RGS9: variants seen among roughly 807,000 people sequenced by gnomAD.
RGS9 encodes regulator of G-protein signalling 9.
Under a neutral mutation model 102.0 loss-of-function variants are expected in RGS9, and 78 were observed. The observed-to-expected ratio is 0.76, with a 90% CI of 0.64 to 0.92. RGS9 has a LOEUF of 0.92. Among genes scored for constraint, RGS9 ranks in the 40% least tolerant of loss-of-function variants. The probability of loss-of-function intolerance (pLI) is 0.00; values close to 1 mark genes in which losing one functional copy is unlikely to be tolerated. For synonymous variants in RGS9, 353 were observed against 318.6 expected, an observed-to-expected ratio of 1.11 and a Z score of -1.15; for missense variants, 833 against 866.1, an observed-to-expected ratio of 0.96 and a Z score of 0.48.
At position 65,219,105 on chromosome 17, in the gene RGS9, C is replaced by T. The variant is rs139888269; in HGVS notation, c.1408-5897C>T. Among the ~76,000 whole-genome samples, 511 of 152,300 alleles carry T rather than the reference C, an allele frequency of 3.4e-3. 4 individuals carry two copies. The highest frequency in any genetic ancestry group is 0.012 in the African/African-American group (480 of 41,572). On this transcript the variant is annotated intron_variant, in intron 17 of 18. Transcript: ENST00000262406. ...TTGGTGATCAGGACCAGTGGCCAAC[C>T]GGGACCATCCATCCTGGAAAGCTCT...
Position 65,225,128 on chromosome 17 carries a change from C to T in RGS9, c.1534C>T (p.Arg512Cys), listed in dbSNP as rs202213863. The T allele has an allele frequency of 1.3e-4, 214 of 1,613,718 alleles. 2 individuals are homozygous for T. The highest frequency in any genetic ancestry group is 6.3e-4 in the South Asian group (57 of 91,088). The change falls in exon 18 of 19, where the codon CGC becomes TGC. Residue 512 changes from arginine to cysteine, a missense_variant. This residue lies in a region of RGS9 where 320 missense variants were observed against 276.8 expected (regional missense o/e 1.16). Transcript: ENST00000262406. ...CAGGAAGCCTTTCGCCTCACCCAGC[C>T]GCTTCATCCGGCGACCCAGCACCAC... ...SPRKPFASPS[R>C]FIRRPSTTIC...
chr17:65,143,299 G>T (rs571149741), intron 1 of RGS9, among the ~76,000 whole-genome samples: 5 of 152,160 alleles, frequency 3.3e-5, no homozygotes, highest in African/African-American at 9.7e-5. Flanking sequence ...ACTGTTGAGA[G>T]CCCTGGGCTA....
intron 6 of RGS9, among the ~76,000 whole-genome samples, chr17:65,162,808 A>G (rs749338993): frequency 6.6e-6 from 1 of 152,132 alleles, no homozygotes; most frequent in Non-Finnish European, 1.5e-5. Flanking sequence ...AAAACCAATA[A>G]AAGTGAGGCT....
chr17:65,146,224 A>C (rs1206088509), intron 1 of RGS9, among the ~76,000 whole-genome samples: 1 of 152,290 alleles, frequency 6.6e-6, no homozygotes, highest in South Asian at 2.1e-4. Context: ...ACATCTAATA[A>C]AAACCATTTT....
intron 7 of RGS9, among the ~76,000 whole-genome samples, chr17:65,167,915 G>A (rs550589233): frequency 6.6e-6 from 1 of 152,292 alleles, no homozygotes; most frequent in African/African-American, 2.4e-5. Flanking sequence ...TGGTGGGCTG[G>A]TGGGGCATTC....
intron 12 of RGS9, among the ~76,000 whole-genome samples, chr17:65,196,690 G>A: frequency 6.7e-6 from 1 of 149,870 alleles, no homozygotes; most frequent in Non-Finnish European, 1.5e-5. Flanking sequence ...GGGGGCAGCT[G>A]TCGTGGGTGA....
Position 65,210,576 on chromosome 17 carries a change from G to C in RGS9, c.1378G>C (p.Glu460Gln), listed in dbSNP as rs562950873. The change falls in exon 17 of 19, where the codon GAA becomes CAA. Residue 460 changes from glutamate (E) to glutamine (Q), a missense_variant. By Grantham distance (29) the Glu-to-Gln change is conservative. This residue lies in a region of RGS9 where 185 missense variants were observed against 248.7 expected (regional missense o/e 0.74). Transcript: ENST00000262406. ...RQLEEEAKAREAANTVDITQP... is the reference protein window; with the variant it reads ...RQLEEEAKARQAANTVDITQP... ...GCTGGAAGAGGAAGCCAAGGCCCGA[G>C]AAGCAGCCAACACTGTGGACATCAC... is the stretch of plus-strand genomic sequence containing the variant. 2 of 1,614,056 alleles carry C rather than the reference G, an allele frequency of 1.2e-6. No individual in the cohort carries two copies. The highest frequency in any genetic ancestry group is 2.2e-5 in the South Asian group (2 of 91,078).
In RGS9 at chr17:65,177,723, T is replaced by C; in HGVS notation, c.583-9T>C. On this transcript the variant is annotated splice_polypyrimidine_tract_variant and intron_variant, in intron 8 of 18. Transcript: ENST00000262406. The stretch of plus-strand genomic sequence containing the variant: ...TGTAATGACCTTATGTTGTTTTTAT[T>C]CCATTTAGCCTGGAATGGACAATGT... 6.2e-7 allele frequency: 1 copy of C among 1,613,750 alleles called. No homozygotes were observed. The highest frequency in any genetic ancestry group is 8.5e-7 in the Non-Finnish European group (1 of 1,179,616).
At chr17:65,204,137 T>C in intron 14 of RGS9, 26 bp from the exon 15 acceptor site, 1 of 1,612,014 alleles carries the variant, frequency 6.2e-7, no homozygotes, top group Non-Finnish European at 8.5e-7. Flanking sequence ...TTAGTTACTT[T>C]TGCTAACATC....
rs1911933733 is a variant in RGS9 at position 65,182,753 on chromosome 17, T to G, written c.654+4950T>G. Among the ~76,000 whole-genome samples the G allele has an allele frequency of 2.0e-5, 3 of 152,216 alleles. No individual in the cohort carries two copies. In the South Asian group the frequency reaches 6.2e-4, roughly 32 times the overall value. ...CCCTGATCCAACCGCTGCTCCCCTC[T>G]CCACCCCACAAGGCCTACGTCCTGC... On this transcript the variant is annotated intron_variant, in intron 9 of 18. Coordinates refer to ENST00000262406, the MANE Select transcript of RGS9 (RefSeq NM_003835.4).
chr17:65,159,504 C>A (rs1910897799), intron 3 of RGS9, among the ~76,000 whole-genome samples: 1 of 152,054 alleles, frequency 6.6e-6, no homozygotes, highest in African/African-American at 2.4e-5. Context: ...GGGAGGAAGT[C>A]TTCCCACACC....
chr17:65,160,139 C>T, intron 3 of RGS9, 94 bp from the exon 4 acceptor site: 2 of 928,738 alleles, frequency 2.2e-6, no homozygotes, highest in Non-Finnish European at 1.8e-6. Context: ...TAGGAAGGGG[C>T]ACCTGTCCTG....
chr17:65,202,384 A>G (rs1912883736), intron 14 of RGS9, among the ~76,000 whole-genome samples: 1 of 150,402 alleles, frequency 6.6e-6, no homozygotes, highest in East Asian at 1.9e-4. Context: ...GTCTTTGACT[A>G]AAGCCTTCTT....
At chr17:65,147,868 G>A (rs1910430369) in intron 1 of RGS9, among the ~76,000 whole-genome samples, 1 of 151,970 alleles carries the variant, frequency 6.6e-6, no homozygotes, top group Non-Finnish European at 1.5e-5. Flanking sequence ...AGGGATTACA[G>A]GCATGAGCCA....
chr17:65,226,058 G>A (rs1222637903), intron 18 of RGS9, among the ~76,000 whole-genome samples: 1 of 152,198 alleles, frequency 6.6e-6, no homozygotes, highest in Non-Finnish European at 1.5e-5. Context: ...TGCCTGAGGG[G>A]GGGCCCCTCT....
intron 12 of RGS9, 51 bp downstream of exon 12, chr17:65,193,707 A>G (rs78061851): frequency 0.095 from 102,434 of 1,081,090 alleles, 5,505 homozygotes; most frequent in Middle Eastern, 0.17. Context: ...TTGAGTTACA[A>G]TTCACATGCC....
intron 9 of RGS9, among the ~76,000 whole-genome samples, chr17:65,183,127 CCTAT>C: frequency 8.6e-6 from 1 of 116,070 alleles, no homozygotes; most frequent in South Asian, 2.3e-4. Context: ...TACCTACATA[CCTAT>C]CTATCTATTT....
chr17:65,186,239 G>C (rs8071603), intron 9 of RGS9, among the ~76,000 whole-genome samples: 45,448 of 150,392 alleles, frequency 0.3, 10,678 homozygotes, highest in African/African-American at 0.66. Context: ...CTCTGTGGCC[G>C]AGGCTGGAGT....
Position 65,193,580 on chromosome 17 carries a change from G to A in RGS9, c.784G>A (p.Ala262Thr), listed in dbSNP as rs768409722. Residue 262 changes from alanine to threonine, a missense_variant, in exon 12 of 19, where the codon GCC (alanine) becomes ACC (threonine). Ala to Thr is a moderately conservative substitution (Grantham distance 58). Coordinates refer to ENST00000262406, the MANE Select transcript of RGS9 (RefSeq NM_003835.4). ...KYSEQFSSND[A>T]IMSGCLPSNP... Reference sequence around the variant, plus strand: ...CAGTGAGCAGTTCTCATCCAACGATGCCATCATGTCAGGCTGCCTCCCCAG... The same window carrying A: ...CAGTGAGCAGTTCTCATCCAACGATACCATCATGTCAGGCTGCCTCCCCAG... 4 of 1,613,828 alleles carry A rather than the reference G, an allele frequency of 2.5e-6. No individual in the cohort carries two copies. In the South Asian group the frequency reaches 4.4e-5, roughly 18 times the overall value.
Sources: allele counts gnomAD v4.1 joint callset (sites outside exome capture counted in the v4.1 genomes callset), GRCh38; gene constraint gnomAD v4.1.1; regional missense constraint gnomAD v4.1.1; transcripts MANE v1.5; gene names NCBI Gene and HGNC (gene_info 2026-07-23, HGNC 2026-07-21).